Variants in PPP2R1B observed in about 807,000 individuals in gnomAD.
PPP2R1B encodes the protein serine/threonine-protein phosphatase 2A 65 kDa regulatory subunit A beta isoform.
A neutral mutation model predicts 72.7 loss-of-function variants in PPP2R1B; 58 were observed. That is an observed-to-expected ratio of 0.80 (90% CI 0.65 to 0.99). The LOEUF is 0.99. PPP2R1B is among the 50% of genes least tolerant of loss of function. The pLI, the probability that PPP2R1B is intolerant of heterozygous loss-of-function variation, is 0.00. For synonymous variants in PPP2R1B, 256 were observed against 264.6 expected (o/e 0.97, Z 0.32); for missense variants, 695 against 733.6 (o/e 0.95, Z 0.61).
intron 8 of PPP2R1B, 81 bp from the exon 9 acceptor site, chr11:111,753,658 G>A (rs1438759232): frequency 1.1e-5 from 16 of 1,419,268 alleles, no homozygotes; most frequent in Non-Finnish European, 1.5e-5. Context: ...ACAGAGTCTT[G>A]CTCTGTTGCC....
rs1188954273 is a variant in PPP2R1B at position 111,740,845 on chromosome 11, C to T, written c.*751G>A. 1.3e-5 allele frequency: 13 copies of T among 985,294 alleles called. No homozygotes were observed. Among genetic ancestry groups the T allele is most frequent in the Non-Finnish European group, 1.6e-5 (13 of 829,944 alleles). 61.0% of individuals were successfully genotyped at this position (985,294 alleles called of 1,614,324 possible). On this transcript the variant is annotated 3_prime_UTR_variant, in exon 15 of 15. Coordinates refer to ENST00000527614, the MANE Select transcript of PPP2R1B (RefSeq NM_002716.5). ...AACAAACATACTGCTTATTAGGAGGCACTACAGTTAAAGCTTTTTAGAAAA... is the reference window on the plus strand; with the variant it reads ...AACAAACATACTGCTTATTAGGAGGTACTACAGTTAAAGCTTTTTAGAAAA...
the PPP2R1B span, chr11:111,712,061 A>G: frequency 1.1e-5 from 9 of 790,156 alleles, no homozygotes; most frequent in South Asian, 1.8e-5. Context: ...TGCACCATGT[A>G]TATATTTCAC....
rs1019525817 is a variant in PPP2R1B at position 111,741,316 on chromosome 11, A to G, written c.*280T>C. ...CCTGATTCCACAGTGAGGATGCAGG[A>G]GCCCAGGTGGTGATGGATAAAGCAT... is the stretch of plus-strand genomic sequence containing the variant. On this transcript the variant is annotated 3_prime_UTR_variant, in exon 15 of 15. Coordinates refer to ENST00000527614, the MANE Select transcript of PPP2R1B (RefSeq NM_002716.5). The G allele has an allele frequency of 8.9e-6, 11 of 1,229,566 alleles. No individual in the cohort carries two copies. Among genetic ancestry groups the G allele is most frequent in the African/African-American group, 1.6e-5 (1 of 64,092 alleles). The allele number at this position is 1,229,566 out of a possible 1,614,324, so 76.2% of individuals were successfully genotyped here. A position where few individuals can be genotyped will look rare whatever the true frequency, so the allele number is the denominator to read the frequency against.
At chr11:111,698,425 C>T in the PPP2R1B span, among the ~76,000 whole-genome samples, 4 of 152,120 alleles carry the variant, frequency 2.6e-5, no homozygotes, top group Non-Finnish European at 5.9e-5. Context: ...TGAAGTGGCT[C>T]TATAAGGGCT....
the PPP2R1B span, among the ~76,000 whole-genome samples, chr11:111,707,891 T>TG: frequency 1.3e-5 from 2 of 152,348 alleles, no homozygotes; most frequent in East Asian, 3.9e-4. Flanking sequence ...TCTGAGTTCC[T>TG]GTGCCCTTAA....
chr11:111,743,552 T>A, intron 11 of PPP2R1B, 22 bp from the exon 12 acceptor site: 1 of 1,590,542 alleles, frequency 6.3e-7, no homozygotes, highest in Non-Finnish European at 8.5e-7. Flanking sequence ...GTCAAAAACA[T>A]GTTCTCATAT....
chr11:111,722,084 A>G, downstream of PPP2R1B: 1 of 562,950 alleles, frequency 1.8e-6, no homozygotes, highest in South Asian at 3.0e-5. The surrounding 1 kb of genome is among the most constrained non-coding windows in gnomAD (Gnocchi z 4.4). Flanking sequence ...CTGTACTTGG[A>G]GTTTCTAGAA....
chr11:111,724,224 C>T (rs183176136), downstream of PPP2R1B: 2 of 1,478,114 alleles, frequency 1.4e-6, no homozygotes, highest in African/African-American at 2.8e-5. Flanking sequence ...TTTTCTTGCC[C>T]TCTCCCTAAC....
At chr11:111,705,206 A>G in the PPP2R1B span, 3 of 1,433,368 alleles carry the variant, frequency 2.1e-6, no homozygotes, top group South Asian at 1.7e-5. The surrounding 1 kb of genome is among the most constrained non-coding windows in gnomAD (Gnocchi z 4.3). Flanking sequence ...TACATTTTTC[A>G]TCTTATACAC....
Position 111,752,259 on chromosome 11 carries a change from G to T in PPP2R1B, c.1238C>A (p.Ser413Tyr). The stretch of plus-strand genomic sequence containing the variant: ...CACTATGGCAGGAAGGAGAGACTGA[G>T]AGAGCTGACGGATTCCAATCACTTC... ...VNEVIGIRQL[S>Y]QSLLPAIVEL... Residue 413 changes from serine (S) to tyrosine (Y), a missense_variant, in exon 10 of 15, where the codon TCT becomes TAT. Transcript: ENST00000527614. The T allele has an allele frequency of 6.2e-7, 1 of 1,614,150 alleles. No individual in the cohort carries two copies. Among genetic ancestry groups the T allele is most frequent in the Admixed American group, 1.7e-5 (1 of 60,024 alleles).
chr11:111,733,513 T>C (rs935314949), downstream of PPP2R1B, among the ~76,000 whole-genome samples: 1 of 152,204 alleles, frequency 6.6e-6, no homozygotes, highest in African/African-American at 2.4e-5. Flanking sequence ...GGGACAGTTC[T>C]GGCTCCAGCT....
In PPP2R1B at chr11:111,743,375, C is replaced by T. The variant is rs538152364; in HGVS notation, c.1554+1G>A. 41 of 1,603,664 alleles carry T rather than the reference C, an allele frequency of 2.6e-5. No homozygotes were observed. The highest frequency in any genetic ancestry group is 2.6e-4 in the Admixed American group (15 of 58,762). On this transcript the variant is annotated splice_donor_variant, in intron 12 of 14. Transcript: ENST00000527614. LOFTEE classifies it high-confidence loss of function. Reference sequence around the variant, plus strand: ...AGCAATAACAGTTATGTTATACTTACATTAATGCAGAATAAAGTGGTCATT... The same window carrying T: ...AGCAATAACAGTTATGTTATACTTATATTAATGCAGAATAAAGTGGTCATT...
chr11:111,695,985 TAGC>T, the PPP2R1B span, among the ~76,000 whole-genome samples: 1 of 152,180 alleles, frequency 6.6e-6, no homozygotes, highest in African/African-American at 2.4e-5. Context: ...CAGAAAACAA[TAGC>T]AGCTCTAGGG....
the PPP2R1B span, chr11:111,704,971 T>C: frequency 6.3e-7 from 1 of 1,594,736 alleles, no homozygotes; most frequent in Non-Finnish European, 8.5e-7. Context: ...CCTTTACCAC[T>C]TGTTTTTTAT....
intron 9 of PPP2R1B, among the ~76,000 whole-genome samples, chr11:111,753,130 T>C (rs782725133): frequency 6.6e-6 from 1 of 152,222 alleles, no homozygotes; most frequent in Non-Finnish European, 1.5e-5. Context: ...TTTTTGATAC[T>C]ATATTTAAAC....
downstream of PPP2R1B, chr11:111,722,643 T>C (rs753206476): frequency 1.7e-5 from 28 of 1,609,534 alleles, no homozygotes; most frequent in Non-Finnish European, 2.0e-5. This position sits in a 1 kb window ranked among gnomAD's most constrained non-coding sequence, Gnocchi z 4.4. Context: ...GTCACGCTCA[T>C]GTTGTTTTTC....
chr11:111,708,258 T>G, the PPP2R1B span, among the ~76,000 whole-genome samples: 1 of 152,080 alleles, frequency 6.6e-6, no homozygotes, highest in Admixed American at 6.6e-5. Flanking sequence ...AGTGCGTGCT[T>G]ATAATCCCAG....
chr11:111,691,681 T>C, the PPP2R1B span, among the ~76,000 whole-genome samples: 1 of 152,218 alleles, frequency 6.6e-6, no homozygotes, highest in Non-Finnish European at 1.5e-5. Flanking sequence ...CACACACATG[T>C]GTGCACAGAG....
At chr11:111,754,797 T>C (rs1945040925) in intron 7 of PPP2R1B, among the ~76,000 whole-genome samples, 183 bp downstream of exon 7, 1 of 151,860 alleles carries the variant, frequency 6.6e-6, no homozygotes, top group African/African-American at 2.4e-5. Flanking sequence ...CAAGACAAAA[T>C]GATTTCTTGG....
Sources: gnomAD v4.1 joint callset for allele counts (sites outside exome capture counted in the v4.1 genomes callset) on GRCh38, gnomAD v4.1.1 for gene constraint, Gnocchi (gnomAD v3.1) non-coding constraint, MANE v1.5 for transcripts, NCBI Gene and HGNC (gene_info 2026-07-23, HGNC 2026-07-21) for gene names.